FBLN2: variants seen among roughly 807,000 people sequenced by gnomAD.
FBLN2 encodes fibulin-2.
Under a neutral mutation model 123.7 loss-of-function variants are expected in FBLN2, and 81 were observed. The ratio of observed to expected loss-of-function variants is 0.65; its 90% CI spans 0.55 to 0.79. The LOEUF is 0.79. Among genes scored for constraint, FBLN2 ranks in the 30% least tolerant of loss-of-function variants. The pLI, the probability that FBLN2 is intolerant of heterozygous loss-of-function variation, is 0.00. For synonymous variants in FBLN2, 699 were observed against 701.4 expected, an observed-to-expected ratio of 1.00 and a Z score of 0.05; for missense variants, 1,603 against 1,681.3, an observed-to-expected ratio of 0.95 and a Z score of 0.81.
Position 13,629,223 on chromosome 3 carries a change from C to T in FBLN2, c.2773C>T (p.Leu925Phe), listed in dbSNP as rs764511422. The T allele has an allele frequency of 2.5e-6, 4 of 1,613,356 alleles. No homozygotes were observed. The highest frequency in any genetic ancestry group is 3.4e-6 in the Non-Finnish European group (4 of 1,179,758). ...RCGEGQVCHNLPGSYRCDCKA... is the reference protein window; with the variant it reads ...RCGEGQVCHNFPGSYRCDCKA... Reference sequence around the variant, plus strand: ...CGGTGAGGGCCAAGTGTGCCACAACCTCCCTGGCTCCTACCGCTGTGACTG... The same window carrying T: ...CGGTGAGGGCCAAGTGTGCCACAACTTCCCTGGCTCCTACCGCTGTGACTG... Residue 925 changes from leucine (L) to phenylalanine (F), a missense_variant, in exon 13 of 18, where the codon CTC becomes TTC. Transcript: ENST00000404922.
Position 13,637,768 on chromosome 3 carries a change from T to A in FBLN2, c.3545T>A (p.Leu1182His). Reference sequence around the variant, plus strand: ...GAGGGCTACTTTGGCACGCGCAGGCTCAATGCCTACACGGGTGTGGTCTAC... The same window carrying A: ...GAGGGCTACTTTGGCACGCGCAGGCACAATGCCTACACGGGTGTGGTCTAC... ...NEEGYFGTRR[L>H]NAYTGVVYLQ... The change falls in exon 18 of 18, where the codon CTC becomes CAC. Residue 1182 changes from leucine (L) to histidine (H), a missense_variant. Coordinates refer to ENST00000404922, the MANE Select transcript of FBLN2 (RefSeq NM_001004019.2). The A allele has an allele frequency of 6.2e-7, 1 of 1,613,906 alleles. No individual in the cohort carries two copies. The highest frequency in any genetic ancestry group is 8.5e-7 in the Non-Finnish European group (1 of 1,179,810).
intron 2 of FBLN2, among the ~76,000 whole-genome samples, chr3:13,604,899 G>A (rs975241898): frequency 2.6e-5 from 4 of 152,256 alleles, no homozygotes; most frequent in African/African-American, 7.2e-5. Context: ...CTCTTGCTCC[G>A]GTTGGAGTGT....
At position 13,570,431 on chromosome 3, in the gene FBLN2, G is replaced by A. The variant is rs754715705; in HGVS notation, c.76G>A (p.Ala26Thr). 257 of 1,572,842 alleles carry A rather than the reference G, an allele frequency of 1.6e-4. No homozygotes were observed. The highest frequency in any genetic ancestry group is 2.1e-4 in the East Asian group (9 of 42,836). ...LALALGPSVA[A>T]AAPRQDCTGV... ...CCTGGCCCTGGGCCCCAGCGTGGCC[G>A]CAGCTGCCCCTCGGCAGGACTGCAC... The change falls in exon 2 of 18, where the codon GCA becomes ACA. Residue 26 changes from alanine to threonine, a missense_variant. Physicochemically the swap from Ala to Thr is moderately conservative, Grantham distance 58 (BLOSUM62 0). Transcript: ENST00000404922.
Position 13,613,808 on chromosome 3 carries a change from T to C in FBLN2, c.1549-176T>C, listed in dbSNP as rs1705483320. 1.0e-5 allele frequency: 6 copies of C among 602,530 alleles called. No individual in the cohort carries two copies. The South Asian group carries it at 1.3e-4, about 13-fold the overall frequency. The allele number at this position is 602,530 out of a possible 1,614,324, so 37.3% of individuals were successfully genotyped here. A position where few individuals can be genotyped will look rare whatever the true frequency, so the allele number is the denominator to read the frequency against. On this transcript the variant is annotated intron_variant, in intron 4 of 17. Transcript: ENST00000404922. ...TGTTTCAAAAGACTTACATTAGTCC[T>C]ACCTGTGCCAGACTTGGGAAATAGA...
At chr3:13,582,433 A>G (rs1302322202) in intron 2 of FBLN2, among the ~76,000 whole-genome samples, 2 of 152,206 alleles carry the variant, frequency 1.3e-5, no homozygotes, top group Non-Finnish European at 2.9e-5. Context: ...GTGGGCCTCT[A>G]GGACCTCTGG....
chr3:13,601,640 A>G (rs536868734), intron 2 of FBLN2, among the ~76,000 whole-genome samples: 5 of 152,306 alleles, frequency 3.3e-5, no homozygotes, highest in Non-Finnish European at 7.4e-5. Flanking sequence ...GCAAATACTC[A>G]TTGAACACCC....
chr3:13,567,661 G>T (rs1429341304), intron 1 of FBLN2, among the ~76,000 whole-genome samples: 2 of 149,530 alleles, frequency 1.3e-5, no homozygotes, highest in East Asian at 4.4e-4. Flanking sequence ...CCTGGCCAAA[G>T]ATTTCCTTTC....
intron 2 of FBLN2, among the ~76,000 whole-genome samples, chr3:13,595,630 A>G (rs1399640384): frequency 6.6e-6 from 1 of 152,170 alleles, no homozygotes; most frequent in Admixed American, 6.5e-5. Flanking sequence ...CTGTCCAAAC[A>G]GGGGCCTGGC....
At chr3:13,599,481 G>T (rs1311881650) in intron 2 of FBLN2, among the ~76,000 whole-genome samples, 1 of 152,208 alleles carries the variant, frequency 6.6e-6, no homozygotes, top group Non-Finnish European at 1.5e-5. Context: ...CACCGTGTAG[G>T]ACTTTGTAAG....
intron 2 of FBLN2, among the ~76,000 whole-genome samples, chr3:13,575,005 C>T (rs568267224): frequency 1.4e-4 from 21 of 152,250 alleles, no homozygotes; most frequent in Non-Finnish European, 2.5e-4. Flanking sequence ...GCCTTGCTCA[C>T]TGTCGCAGCC....
At chr3:13,588,230 A>G (rs1704568522) in intron 2 of FBLN2, among the ~76,000 whole-genome samples, 4 of 152,170 alleles carry the variant, frequency 2.6e-5, no homozygotes, top group Admixed American at 2.6e-4. Flanking sequence ...CAGTACAGTC[A>G]TGTTCTGGAC....
chr3:13,599,264 G>T (rs1281487409), intron 2 of FBLN2, among the ~76,000 whole-genome samples: 1 of 152,254 alleles, frequency 6.6e-6, no homozygotes, highest in African/African-American at 2.4e-5. Flanking sequence ...TCTCTGAGGA[G>T]GAGAGACCCC....
chr3:13,580,083 T>C (rs1189511057), intron 2 of FBLN2, among the ~76,000 whole-genome samples: 2 of 152,174 alleles, frequency 1.3e-5, no homozygotes, highest in Non-Finnish European at 1.5e-5. Flanking sequence ...TGTTGCATAG[T>C]GTTCCGTTGC....
At chr3:13,628,874 G>T (rs200209374) in intron 11 of FBLN2, 31 bp from the exon 12 acceptor site, 1 of 1,604,226 alleles carries the variant, frequency 6.2e-7, no homozygotes, top group East Asian at 2.2e-5. Context: ...CACCATGCCG[G>T]GCTCCCTGTC....
At chr3:13,607,194 G>C (rs1420887809) in intron 2 of FBLN2, among the ~76,000 whole-genome samples, 1 of 151,482 alleles carries the variant, frequency 6.6e-6, no homozygotes, top group Non-Finnish European at 1.5e-5. Flanking sequence ...CACCCTGTTG[G>C]CCAGGCTGGT....
intron 5 of FBLN2, among the ~76,000 whole-genome samples, chr3:13,615,141 C>G (rs1047911428): frequency 1.4e-4 from 22 of 152,238 alleles, no homozygotes; most frequent in African/African-American, 5.3e-4. Flanking sequence ...CTCCTGGACC[C>G]ATGACCATTA....
intron 1 of FBLN2, among the ~76,000 whole-genome samples, chr3:13,558,303 C>T (rs1703514085): frequency 6.6e-6 from 1 of 152,108 alleles, no homozygotes; most frequent in African/African-American, 2.4e-5. Context: ...TTCTGTCTCA[C>T]TAATGGATCT....
chr3:13,607,010 C>T (rs750110138), intron 2 of FBLN2, among the ~76,000 whole-genome samples: 2 of 151,000 alleles, frequency 1.3e-5, no homozygotes, highest in Admixed American at 6.6e-5. Flanking sequence ...TTCCCCGGGA[C>T]GGAGTCTTGC....
intron 1 of FBLN2, among the ~76,000 whole-genome samples, chr3:13,566,806 A>T (rs910949312): frequency 3.9e-5 from 6 of 152,362 alleles, no homozygotes; most frequent in African/African-American, 1.2e-4. Flanking sequence ...TTTTCAATTT[A>T]TGCATGCTGG....
Sources: allele counts gnomAD v4.1 joint callset (sites outside exome capture counted in the v4.1 genomes callset), GRCh38; gene constraint gnomAD v4.1.1; transcripts MANE v1.5; gene names NCBI Gene and HGNC (gene_info 2026-07-23, HGNC 2026-07-21).